The following CLSTN2 variants were observed in gnomAD, a reference collection of about 807,000 sequenced individuals.
The protein encoded by CLSTN2 is calsyntenin 2, also known as calsyntenin-2.
In CLSTN2, 48 loss-of-function variants were observed where a neutral mutation model predicts 101.2. The observed-to-expected ratio is 0.47, with a 90% confidence interval of 0.38 to 0.60. CLSTN2 has a LOEUF of 0.60. Ranked by LOEUF, CLSTN2 falls within the 20% of genes least tolerant of loss-of-function variation. CLSTN2 has a pLI of 0.00. For synonymous variants in CLSTN2, 481 were observed against 463.6 expected (o/e 1.04, Z -0.48); for missense variants, 1,160 against 1,238.2 (o/e 0.94, Z 0.95).
chr3:140,553,443 G>T (rs541167521), intron 10 of CLSTN2, among the ~76,000 whole-genome samples: 20 of 152,266 alleles, frequency 1.3e-4, no homozygotes, highest in African/African-American at 4.3e-4. Flanking sequence ...TTTTGTACTA[G>T]AACTGGAATA....
intron 8 of CLSTN2, among the ~76,000 whole-genome samples, chr3:140,506,386 C>T (rs1198467827): frequency 6.6e-6 from 1 of 152,108 alleles, no homozygotes; most frequent in Non-Finnish European, 1.5e-5. Flanking sequence ...GAATATTCCC[C>T]TGCCTCTCTT....
At chr3:140,454,654 T>C (rs1933350981) in intron 6 of CLSTN2, 1 of 152,360 alleles carries the variant, frequency 6.6e-6, no homozygotes, top group African/African-American at 2.4e-5. Context: ...TTATCATTCT[T>C]ACCACATGTC....
chr3:140,077,704 CCTCAAACCTTATAGTTTGAAAATA>C (rs1409720635), intron 1 of CLSTN2, among the ~76,000 whole-genome samples: 2 of 151,820 alleles, frequency 1.3e-5, no homozygotes, highest in Non-Finnish European at 2.9e-5. Flanking sequence ...AAAAAAAAAA[CCTCAAACCTTATAGTTTGAAAATA>C]CTCAAACCTA....
chr3:140,389,450 C>T (rs182459266), intron 2 of CLSTN2, among the ~76,000 whole-genome samples: 762 of 152,280 alleles, frequency 5.0e-3, no homozygotes, highest in Non-Finnish European at 6.6e-3. Flanking sequence ...CATCCATGTC[C>T]CTGCAAAGGA....
intron 9 of CLSTN2, among the ~76,000 whole-genome samples, chr3:140,532,824 T>G (rs186149325): frequency 6.6e-5 from 10 of 152,330 alleles, no homozygotes; most frequent in Admixed American, 1.3e-4. Context: ...GTGTTCAAAC[T>G]TCTGGTTGGC....
At chr3:140,058,537 G>A (rs1419212972) in intron 1 of CLSTN2, among the ~76,000 whole-genome samples, 1 of 152,194 alleles carries the variant, frequency 6.6e-6, no homozygotes, top group South Asian at 2.1e-4. Context: ...TAGGAAGGGG[G>A]TGATATCTTT....
intron 2 of CLSTN2, among the ~76,000 whole-genome samples, chr3:140,347,103 C>T (rs1237210740): frequency 6.6e-6 from 1 of 152,194 alleles, no homozygotes; most frequent in Non-Finnish European, 1.5e-5. Context: ...TCTGTTTTCT[C>T]CTGAGAGTCA....
At chr3:140,267,932 T>C (rs2086709546) in intron 2 of CLSTN2, among the ~76,000 whole-genome samples, 1 of 152,208 alleles carries the variant, frequency 6.6e-6, no homozygotes, top group African/African-American at 2.4e-5. Context: ...ACTCTGATTC[T>C]GTGAAATGAT....
intron 5 of CLSTN2, among the ~76,000 whole-genome samples, chr3:140,439,364 A>T (rs2088734198): frequency 6.6e-6 from 1 of 152,242 alleles, no homozygotes; most frequent in Non-Finnish European, 1.5e-5. Context: ...AGTTGCTACC[A>T]GAATAAGGCC....
chr3:140,046,213 T>C lies in CLSTN2; in HGVS notation c.109+110730T>C, dbSNP rs145607069. On this transcript the variant is annotated intron_variant, in intron 1 of 16. Transcript: ENST00000458420. ...TGGGTGCTCCTGTATTGGGGGCATA[T>C]ATATTTAGGATAGTTACCTCTTCTT... is the stretch of plus-strand genomic sequence containing the variant. Among the ~76,000 whole-genome samples, 1,063 of 150,738 alleles carry C rather than the reference T, an allele frequency of 7.1e-3. 15 individuals carry two copies. The highest frequency in any genetic ancestry group is 0.023 in the African/African-American group (942 of 41,274).
intron 8 of CLSTN2, among the ~76,000 whole-genome samples, chr3:140,496,220 G>A (rs1323663450): frequency 1.3e-5 from 2 of 151,968 alleles, no homozygotes; most frequent in African/African-American, 2.4e-5. Context: ...TATTCTCTTT[G>A]TAGCAATTGT....
chr3:140,020,935 G>A (rs2007301076), intron 1 of CLSTN2, among the ~76,000 whole-genome samples: 1 of 152,266 alleles, frequency 6.6e-6, no homozygotes, highest in East Asian at 1.9e-4. Context: ...AATGGATGCC[G>A]ATCTCTGCTG....
intron 4 of CLSTN2, among the ~76,000 whole-genome samples, chr3:140,417,474 T>C (rs1050545834): frequency 3.9e-5 from 6 of 152,244 alleles, no homozygotes; most frequent in African/African-American, 1.4e-4. Flanking sequence ...AGATAGGTTG[T>C]TCCCATTTAA....
At chr3:140,105,821 A>G (rs1394706806) in intron 1 of CLSTN2, among the ~76,000 whole-genome samples, 1 of 152,194 alleles carries the variant, frequency 6.6e-6, no homozygotes, top group Non-Finnish European at 1.5e-5. Context: ...GTGCTAGCTC[A>G]GAGAGGGCTG....
At chr3:139,974,331 C>T (rs538933057) in intron 1 of CLSTN2, among the ~76,000 whole-genome samples, 1 of 152,014 alleles carries the variant, frequency 6.6e-6, no homozygotes, top group African/African-American at 2.4e-5. Context: ...TGGACTCAAC[C>T]AAGACATGTT....
At chr3:140,103,096 GCAGACTGACCTCAGT>G (rs1248899192) in intron 1 of CLSTN2, among the ~76,000 whole-genome samples, 16 of 152,192 alleles carry the variant, frequency 1.1e-4, no homozygotes, top group African/African-American at 9.7e-5. Flanking sequence ...TGTGCTTAAG[GCAGACTGACCTCAGT>G]CAGACTGACC....
intron 2 of CLSTN2, among the ~76,000 whole-genome samples, chr3:140,367,885 C>T (rs1003440672): frequency 2.0e-5 from 3 of 152,128 alleles, no homozygotes; most frequent in Admixed American, 1.3e-4. Flanking sequence ...CAGCTTGAGG[C>T]CTGGAGCAAA....
intron 1 of CLSTN2, among the ~76,000 whole-genome samples, chr3:139,996,036 G>A (rs1431620619): frequency 1.3e-5 from 2 of 152,178 alleles, no homozygotes; most frequent in Non-Finnish European, 2.9e-5. Context: ...CTACCCATGT[G>A]CTCCTTCCAT....
intron 2 of CLSTN2, among the ~76,000 whole-genome samples, chr3:140,284,503 G>C (rs1035831382): frequency 6.6e-6 from 1 of 152,070 alleles, no homozygotes; most frequent in Non-Finnish European, 1.5e-5. Context: ...AACCGCAGGG[G>C]GTTGCGGAGA....
Sources: allele counts gnomAD v4.1 joint callset (sites outside exome capture counted in the v4.1 genomes callset), GRCh38; gene constraint gnomAD v4.1.1; transcripts MANE v1.5; gene names NCBI Gene and HGNC (gene_info 2026-07-23, HGNC 2026-07-21).